Variants in ALG9 observed in about 807,000 individuals in gnomAD.
The protein encoded by ALG9 is ALG9 alpha-1,2-mannosyltransferase.
ALG9 carries 55 observed loss-of-function variants against 81.8 expected under a neutral mutation model. The observed-to-expected ratio is 0.67, with a 90% confidence interval of 0.54 to 0.84. The LOEUF is 0.84. Ranked by LOEUF, ALG9 falls within the 40% of genes least tolerant of loss-of-function variation. The pLI, the probability that ALG9 is intolerant of heterozygous loss-of-function variation, is 0.00. For synonymous variants in ALG9, 278 were observed against 274.3 expected (o/e 1.01, Z -0.13); for missense variants, 629 against 745.0 (o/e 0.84, Z 1.81).
downstream of ALG9, among the ~76,000 whole-genome samples, chr11:111,780,383 T>G (rs935908718): frequency 2.4e-4 from 32 of 136,106 alleles, no homozygotes; most frequent in South Asian, 9.4e-4. Context: ...TAATTTGCCG[T>G]TTTTTTTTTT....
At chr11:111,796,638 G>A (rs1410046757) in intron 14 of ALG9, among the ~76,000 whole-genome samples, 1 of 152,170 alleles carries the variant, frequency 6.6e-6, no homozygotes, top group African/African-American at 2.4e-5. Context: ...GCCAGACGAA[G>A]GGTCTCAAGA....
chr11:111,823,513 TGGCAAA>T (rs1440199699), intron 13 of ALG9, among the ~76,000 whole-genome samples: 1 of 152,194 alleles, frequency 6.6e-6, no homozygotes, highest in Admixed American at 6.5e-5. Context: ...GTGTCACAAA[TGGCAAA>T]GGCAAAATAA....
chr11:111,796,508 T>C (rs1948308348), intron 14 of ALG9, among the ~76,000 whole-genome samples: 1 of 152,146 alleles, frequency 6.6e-6, no homozygotes, highest in Non-Finnish European at 1.5e-5. Context: ...CTCTCTAAGC[T>C]TCAGAAAAAT....
chr11:111,849,000 T>C (rs2136990477), intron 8 of ALG9, among the ~76,000 whole-genome samples: 1 of 152,302 alleles, frequency 6.6e-6, no homozygotes, highest in Middle Eastern at 3.4e-3. Context: ...AGTACTATGA[T>C]GAAACAAGAT....
At chr11:111,804,623 T>G (rs1949658262) in intron 14 of ALG9, among the ~76,000 whole-genome samples, 8 of 151,754 alleles carry the variant, frequency 5.3e-5, no homozygotes, top group Admixed American at 5.3e-4. Context: ...ACTAAGAAAA[T>G]GAACAACCGG....
At chr11:111,864,974 T>C (rs1489170178) in intron 4 of ALG9, among the ~76,000 whole-genome samples, 1 of 152,022 alleles carries the variant, frequency 6.6e-6, no homozygotes, top group Non-Finnish European at 1.5e-5. Flanking sequence ...ATGGGGTTTC[T>C]CCATGTTGGT....
the ALG9 span, chr11:111,768,958 G>A: frequency 5.9e-5 from 9 of 151,678 alleles, no homozygotes; most frequent in African/African-American, 1.7e-4. Context: ...GGGCTAAGAG[G>A]TTTTTTTAAC....
chr11:111,778,756 C>T (rs562382743), downstream of ALG9, among the ~76,000 whole-genome samples: 175 of 151,326 alleles, frequency 1.2e-3, no homozygotes, highest in African/African-American at 4.0e-3. Context: ...GGCCCACCCT[C>T]GACCACAAAC....
intron 14 of ALG9, among the ~76,000 whole-genome samples, chr11:111,805,553 T>C (rs547650661): frequency 2.8e-4 from 42 of 152,338 alleles, no homozygotes; most frequent in African/African-American, 9.6e-4. Flanking sequence ...AAGAACTCAA[T>C]ATGAAAAGCC....
intron 1 of ALG9, 107 bp from the exon 2 acceptor site, chr11:111,870,477 A>G: frequency 5.9e-6 from 8 of 1,352,494 alleles, no homozygotes; most frequent in Non-Finnish European, 7.8e-6. Context: ...AAGGGACATC[A>G]AAGCACTTAA....
chr11:111,826,201 C>T (rs1430544376), intron 13 of ALG9, among the ~76,000 whole-genome samples: 1 of 151,124 alleles, frequency 6.6e-6, no homozygotes, highest in Admixed American at 6.6e-5. Flanking sequence ...GCCTGGGCAA[C>T]ATTGCCAGAC....
the ALG9 span, among the ~76,000 whole-genome samples, chr11:111,772,241 C>T: frequency 6.6e-6 from 1 of 152,148 alleles, no homozygotes; most frequent in Admixed American, 6.5e-5. Context: ...GCCTAGGCAA[C>T]ATGGTAAAAC....
At chr11:111,820,466 C>T (rs1676282393) in intron 13 of ALG9, among the ~76,000 whole-genome samples, 1 of 152,158 alleles carries the variant, frequency 6.6e-6, no homozygotes, top group African/African-American at 2.4e-5. Flanking sequence ...AAGGCACTGA[C>T]TCTCGAGATA....
At chr11:111,870,851 TC>T (rs1964094640) in intron 1 of ALG9, 1 of 1,003,310 alleles carries the variant, frequency 1.0e-6, no homozygotes, top group Non-Finnish European at 1.2e-6. Context: ...CTTTATTCAT[TC>T]CCCCTTATGT....
chr11:111,780,725 C>G (rs1555056616), downstream of ALG9, among the ~76,000 whole-genome samples: 1 of 150,172 alleles, frequency 6.7e-6, no homozygotes, highest in Non-Finnish European at 1.5e-5. Flanking sequence ...TGGTCTAATC[C>G]ATGCCAAGTT....
At position 111,811,763 on chromosome 11, in the gene ALG9, C is replaced by T. The variant is rs544370731; in HGVS notation, c.1603-1990G>A. On this transcript the variant is annotated intron_variant, in intron 13 of 14. Transcript: ENST00000616540. ...CCAGGCACCAAAGGCCACATATATACGATTCCATTTATATGAAATGTTCGT... is the reference window on the plus strand; with the variant it reads ...CCAGGCACCAAAGGCCACATATATATGATTCCATTTATATGAAATGTTCGT... Among the ~76,000 whole-genome samples the T allele has an allele frequency of 9.2e-5, 14 of 152,144 alleles. No individual in the cohort carries two copies. In the South Asian group the frequency reaches 2.1e-3, roughly 23 times the overall value.
chr11:111,844,672 A>G lies in ALG9; in HGVS notation c.947T>C (p.Val316Ala), dbSNP rs1340881788. 6.2e-7 allele frequency: 1 copy of G among 1,614,062 alleles called. No individual in the cohort carries two copies. The highest frequency in any genetic ancestry group is 2.2e-5 in the East Asian group (1 of 44,874). The change falls in exon 9 of 15, where the codon GTA becomes GCA. Residue 316 changes from valine to alanine, a missense_variant. Transcript: ENST00000616540. ...YLINGFLNFNVAFALALLVLP... is the reference protein window; with the variant it reads ...YLINGFLNFNAAFALALLVLP... Reference sequence around the variant, plus strand: ...GACTAGGAGAGCCAAAGCAAAGGCTACATTGAAATTCAGAAATCCATTAAT... The same window carrying G: ...GACTAGGAGAGCCAAAGCAAAGGCTGCATTGAAATTCAGAAATCCATTAAT...
intron 6 of ALG9, among the ~76,000 whole-genome samples, chr11:111,855,286 A>G (rs561806458): frequency 6.6e-6 from 1 of 152,352 alleles, no homozygotes; most frequent in Non-Finnish European, 1.5e-5. Context: ...CTATACAAAA[A>G]CAGGTCAGTC....
At chr11:111,871,289 T>C (rs1439161504) in intron 1 of ALG9, 63 bp downstream of exon 1, 4 of 1,365,666 alleles carry the variant, frequency 2.9e-6, no homozygotes, top group Non-Finnish European at 3.7e-6. Flanking sequence ...GCTAAGACCC[T>C]CCCGGGGGCA....
Sources: gnomAD v4.1 joint callset for allele counts (sites outside exome capture counted in the v4.1 genomes callset) on GRCh38, gnomAD v4.1.1 for gene constraint, MANE v1.5 for transcripts, NCBI Gene and HGNC (gene_info 2026-07-23, HGNC 2026-07-21) for gene names.